DHX57: variants seen among roughly 807,000 people sequenced by gnomAD.
The protein encoded by DHX57 is DExH-box helicase 57.
DHX57 carries 105 observed loss-of-function variants against 156.2 expected under a neutral mutation model. That is an observed-to-expected ratio of 0.67 (90% CI 0.57 to 0.79). The LOEUF is 0.79. Ranked by LOEUF, DHX57 falls within the 30% of genes least tolerant of loss-of-function variation. The pLI is 0.00. For missense variants in DHX57, 1,847 were observed against 1,661.9 expected, an observed-to-expected ratio of 1.11 and a Z score of -1.94; for synonymous variants, 704 against 595.6, an observed-to-expected ratio of 1.18 and a Z score of -2.65.
At chr2:38,811,604 G>A (rs911471744) in intron 21 of DHX57, 1 of 1,374,236 alleles carries the variant, frequency 7.3e-7, no homozygotes, top group Non-Finnish European at 1.0e-6. Flanking sequence ...GGATGCAGGA[G>A]GTGTCCAGGC....
At chr2:38,817,845 A>T (rs1268504074) in intron 19 of DHX57, among the ~76,000 whole-genome samples, 1 of 151,958 alleles carries the variant, frequency 6.6e-6, no homozygotes, top group Admixed American at 6.6e-5. Flanking sequence ...TTACAGGCCC[A>T]TGTCACTAGG....
intron 13 of DHX57, among the ~76,000 whole-genome samples, chr2:38,832,250 G>A (rs1226631400): frequency 6.6e-6 from 1 of 151,974 alleles, no homozygotes; most frequent in Non-Finnish European, 1.5e-5. Context: ...TACCAGCTTG[G>A]CCAACACTGT....
intron 2 of DHX57, 26 bp downstream of exon 2, chr2:38,868,152 ATATT>A: frequency 6.2e-7 from 1 of 1,608,196 alleles, no homozygotes; most frequent in Non-Finnish European, 8.5e-7. Context: ...TACCATTTCC[ATATT>A]TAAACATTCA....
chr2:38,810,520 G>C (rs373272614), intron 21 of DHX57: 1 of 560,488 alleles, frequency 1.8e-6, no homozygotes, highest in African/African-American at 1.9e-5. Context: ...TCACCGACTG[G>C]CTGGCTCATC....
At chr2:38,819,416 T>C (rs987361493) in intron 17 of DHX57, among the ~76,000 whole-genome samples, 1 of 152,190 alleles carries the variant, frequency 6.6e-6, no homozygotes, top group Non-Finnish European at 1.5e-5. Flanking sequence ...GCTCAGGCAA[T>C]TGGCCCACCT....
In DHX57 at chr2:38,872,160, T is replaced by C. The variant is rs147018410; in HGVS notation, c.-7+3627A>G. On this transcript the variant is annotated intron_variant, in intron 1 of 23. Coordinates refer to ENST00000457308, the MANE Select transcript of DHX57 (RefSeq NM_198963.3). ...AATTAAATGTCTAATACATGAACTTTGGGGGTAAACATTCAAACCATAGCA... is the reference window on the plus strand; with the variant it reads ...AATTAAATGTCTAATACATGAACTTCGGGGGTAAACATTCAAACCATAGCA... Among the ~76,000 whole-genome samples the C allele has an allele frequency of 1.7e-3, 259 of 152,322 alleles. 3 individuals carry two copies. In the East Asian group the frequency reaches 0.043, roughly 25 times the overall value.
chr2:38,867,205 T>C lies in DHX57; in HGVS notation c.224+977A>G, dbSNP rs542127257. 2.6e-5 allele frequency: 4 copies of C among 152,334 alleles called. No individual in the cohort carries two copies. In the East Asian group the frequency reaches 7.7e-4, roughly 29 times the overall value. The allele number at this position is 152,334 out of a possible 1,614,324, so 9.4% of individuals were successfully genotyped here. ...GGCTACATCATACAGCCTAGGTGTG[T>C]TGTAGGTTGTACCATCTGGGGTTGT... On this transcript the variant is annotated intron_variant, in intron 2 of 23. Coordinates refer to ENST00000457308, the MANE Select transcript of DHX57 (RefSeq NM_198963.3).
intron 10 of DHX57, among the ~76,000 whole-genome samples, chr2:38,847,596 C>T (rs1672358911): frequency 6.6e-6 from 1 of 152,154 alleles, no homozygotes; most frequent in African/African-American, 2.4e-5. Context: ...CACAGACTGT[C>T]CAATGTCACT....
chr2:38,815,725 G>A, intron 19 of DHX57, 70 bp from the exon 20 acceptor site: 2 of 1,593,826 alleles, frequency 1.3e-6, no homozygotes, highest in African/African-American at 1.3e-5. Flanking sequence ...ACAAAAATGA[G>A]TGATTATAAA....
chr2:38,799,159 T>C (rs1229550039), intron 23 of DHX57, among the ~76,000 whole-genome samples: 1 of 150,826 alleles, frequency 6.6e-6, no homozygotes, highest in Non-Finnish European at 1.5e-5. Context: ...AGGTCAGGGG[T>C]TCGAGACCAG....
chr2:38,872,681 C>A (rs1572720828), intron 1 of DHX57, among the ~76,000 whole-genome samples: 1 of 152,090 alleles, frequency 6.6e-6, no homozygotes, highest in Non-Finnish European at 1.5e-5. Flanking sequence ...GAAATGATAA[C>A]AATTAAAAAC....
At chr2:38,818,586 G>GA (rs1046012491) in intron 19 of DHX57, among the ~76,000 whole-genome samples, 1 of 152,074 alleles carries the variant, frequency 6.6e-6, no homozygotes, top group Admixed American at 6.6e-5. Context: ...TGTAATTACT[G>GA]AAAAAACTGA....
intron 1 of DHX57, 115 bp from the exon 2 acceptor site, chr2:38,868,526 G>A (rs1665197183): frequency 9.3e-7 from 1 of 1,071,490 alleles, no homozygotes; most frequent in Non-Finnish European, 1.3e-6. Context: ...AAATGCATAT[G>A]TAAAAAGAGC....
rs754727888 is a variant in DHX57, at chr2:38,823,131, T to C, written c.3153A>G (p.Arg1051=). ...RDLGALTPDE[R]LTPLGYHLAS... ...CCAAATGATACCCAAGAGGGGTCAA[T>C]CTTTCATCTGGAGTTAATGCTCCTA... Residue 1051 remains arginine (R), a synonymous_variant, in exon 17 of 24, where the codon AGA becomes AGG. Coordinates refer to ENST00000457308, the MANE Select transcript of DHX57 (RefSeq NM_198963.3). 4.3e-6 allele frequency: 7 copies of C among 1,614,182 alleles called. No homozygotes were observed. In the South Asian group the frequency reaches 7.7e-5, roughly 18 times the overall value.
intron 21 of DHX57, among the ~76,000 whole-genome samples, chr2:38,807,509 C>T (rs1040811739): frequency 2.0e-5 from 3 of 150,626 alleles, no homozygotes; most frequent in Non-Finnish European, 4.4e-5. Flanking sequence ...AGGCGCCCGC[C>T]GCCACACCCG....
intron 9 of DHX57, among the ~76,000 whole-genome samples, chr2:38,852,167 G>A (rs1378053304): frequency 6.7e-6 from 1 of 148,384 alleles, no homozygotes; most frequent in Non-Finnish European, 1.5e-5. Flanking sequence ...AGTTCTTCTG[G>A]TTATATGCCT....
chr2:38,855,456 A>C (rs1672849479), intron 7 of DHX57, among the ~76,000 whole-genome samples: 1 of 150,420 alleles, frequency 6.6e-6, no homozygotes, highest in Non-Finnish European at 1.5e-5. Context: ...AGGACAATCA[A>C]ATAATAGTTT....
At chr2:38,865,910 G>C (rs932877037) in intron 2 of DHX57, among the ~76,000 whole-genome samples, 1 of 152,048 alleles carries the variant, frequency 6.6e-6, no homozygotes, top group Non-Finnish European at 1.5e-5. Context: ...CCCCTTTATA[G>C]TTTATTCTCT....
intron 12 of DHX57, among the ~76,000 whole-genome samples, chr2:38,838,287 C>T (rs1671792274): frequency 6.6e-6 from 1 of 152,070 alleles, no homozygotes; most frequent in South Asian, 2.1e-4. Flanking sequence ...TTTTTGTAGA[C>T]ATGGGGTCTT....
Sources: allele counts gnomAD v4.1 joint callset (sites outside exome capture counted in the v4.1 genomes callset), GRCh38; gene constraint gnomAD v4.1.1; transcripts MANE v1.5; gene names NCBI Gene and HGNC (gene_info 2026-07-23, HGNC 2026-07-21).